MAPK4: variants seen among roughly 807,000 people sequenced by gnomAD.
The protein encoded by MAPK4 is Erk3-related.
In MAPK4, 22 loss-of-function variants were observed where a neutral mutation model predicts 47.7. The ratio of observed to expected loss-of-function variants is 0.46; its 90% confidence interval spans 0.33 to 0.66. MAPK4 has a LOEUF of 0.66. Among genes scored for constraint, MAPK4 ranks in the 30% least tolerant of loss-of-function variants. The pLI is 0.02. For missense variants in MAPK4, 736 were observed against 831.7 expected, an observed-to-expected ratio of 0.88 and a Z score of 1.42; for synonymous variants, 390 against 365.7, an observed-to-expected ratio of 1.07 and a Z score of -0.76.
chr18:50,673,031 C>G (rs1390767150), intron 2 of MAPK4, among the ~76,000 whole-genome samples: 1 of 152,196 alleles, frequency 6.6e-6, no homozygotes, highest in Non-Finnish European at 1.5e-5. Flanking sequence ...AATCCCAACA[C>G]TTTGGGAGGC....
chr18:50,723,079 G>A (rs1396278140), intron 4 of MAPK4, among the ~76,000 whole-genome samples: 2 of 152,208 alleles, frequency 1.3e-5, no homozygotes, highest in Non-Finnish European at 2.9e-5. Context: ...AGATAACCCT[G>A]AAATCTCCGT....
chr18:50,592,238 T>C (rs868572326), intron 1 of MAPK4, among the ~76,000 whole-genome samples: 13 of 152,188 alleles, frequency 8.5e-5, no homozygotes, highest in African/African-American at 2.2e-4. Context: ...TTCAAGGACA[T>C]GCCAAACCTC....
At chr18:50,628,653 A>G (rs999450963) in intron 1 of MAPK4, among the ~76,000 whole-genome samples, 2 of 152,172 alleles carry the variant, frequency 1.3e-5, no homozygotes, top group Admixed American at 6.5e-5. Flanking sequence ...GTGTCAACTC[A>G]ATTTTAAGAG....
At chr18:50,698,349 A>G (rs1909614273) in intron 2 of MAPK4, among the ~76,000 whole-genome samples, 1 of 152,250 alleles carries the variant, frequency 6.6e-6, no homozygotes, top group African/African-American at 2.4e-5. Flanking sequence ...TTTATTAAGT[A>G]AATACATATT....
At chr18:50,676,811 A>G (rs559214702) in intron 2 of MAPK4, among the ~76,000 whole-genome samples, 8 of 152,362 alleles carry the variant, frequency 5.3e-5, no homozygotes, top group African/African-American at 1.4e-4. Flanking sequence ...TTTGTGTAAT[A>G]ATAGTAAGTT....
chr18:50,617,566 C>G (rs2042695194), intron 1 of MAPK4, among the ~76,000 whole-genome samples: 1 of 152,164 alleles, frequency 6.6e-6, no homozygotes, highest in Admixed American at 6.5e-5. Context: ...GGTCATGTTA[C>G]CATCTCAGCT....
chr18:50,672,710 A>G (rs764696395), intron 2 of MAPK4, among the ~76,000 whole-genome samples: 5 of 152,282 alleles, frequency 3.3e-5, no homozygotes, highest in Middle Eastern at 6.8e-3. Context: ...CCAATCAGAA[A>G]GGAAGCCAGC....
chr18:50,561,397 G>A (rs2042151980), intron 1 of MAPK4, among the ~76,000 whole-genome samples: 1 of 152,130 alleles, frequency 6.6e-6, no homozygotes, highest in South Asian at 2.1e-4. Flanking sequence ...GTGAAAAGCA[G>A]GTATACTGCA....
chr18:50,660,532 TGTGAAGCTTACAGTCTA>T (rs2043159156), intron 1 of MAPK4, among the ~76,000 whole-genome samples: 1 of 152,196 alleles, frequency 6.6e-6, no homozygotes, highest in South Asian at 2.1e-4. Context: ...GTAAGCTACT[TGTGAAGCTTACAGTCTA>T]GTTGGGAGAT....
At chr18:50,667,764 A>G (rs1907687221) in intron 2 of MAPK4, among the ~76,000 whole-genome samples, 1 of 152,086 alleles carries the variant, frequency 6.6e-6, no homozygotes, top group African/African-American at 2.4e-5. Context: ...ACAACAACAT[A>G]CCCAGAAGAC....
At chr18:50,713,069 A>C (rs975323367) in intron 2 of MAPK4, among the ~76,000 whole-genome samples, 4 of 152,204 alleles carry the variant, frequency 2.6e-5, no homozygotes, top group Non-Finnish European at 4.4e-5. Flanking sequence ...ATTTATACAG[A>C]AGGTAAAATT....
intron 1 of MAPK4, among the ~76,000 whole-genome samples, chr18:50,589,826 C>A (rs1333365475): frequency 6.6e-6 from 1 of 152,192 alleles, no homozygotes; most frequent in African/African-American, 2.4e-5. Context: ...TACAAGAGTT[C>A]AAATTGTAAT....
At chr18:50,582,364 G>A (rs988699705) in intron 1 of MAPK4, among the ~76,000 whole-genome samples, 1 of 152,184 alleles carries the variant, frequency 6.6e-6, no homozygotes. Flanking sequence ...ACACAGAGTG[G>A]CCTAAGAAAG....
chr18:50,639,901 C>T (rs548053202), intron 1 of MAPK4, among the ~76,000 whole-genome samples: 87 of 152,204 alleles, frequency 5.7e-4, no homozygotes, highest in Non-Finnish European at 1.2e-3. Context: ...ATATACTCTT[C>T]GCTCGTTAAT....
chr18:50,608,303 A>G (rs571728346), intron 1 of MAPK4, among the ~76,000 whole-genome samples: 2 of 152,360 alleles, frequency 1.3e-5, no homozygotes, highest in African/African-American at 4.8e-5. Flanking sequence ...TCTTGGAAGT[A>G]GATAAGATGT....
intron 1 of MAPK4, among the ~76,000 whole-genome samples, chr18:50,618,137 C>T (rs566390188): frequency 6.6e-6 from 1 of 152,082 alleles, no homozygotes; most frequent in Non-Finnish European, 1.5e-5. Context: ...GCCCCCTTCC[C>T]CAGGCTGCCT....
chr18:50,670,174 A>AC (rs1309769263), intron 2 of MAPK4: 1 of 152,034 alleles, frequency 6.6e-6, no homozygotes, highest in Non-Finnish European at 1.5e-5. Flanking sequence ...AAAAAAAAAA[A>AC]AACACTCATT....
At chr18:50,724,865 G>A (rs1348356705) in intron 4 of MAPK4, among the ~76,000 whole-genome samples, 1 of 152,206 alleles carries the variant, frequency 6.6e-6, no homozygotes, top group African/African-American at 2.4e-5. Context: ...TCTCCATGTG[G>A]GCTGTAACAT....
intron 1 of MAPK4, among the ~76,000 whole-genome samples, chr18:50,595,960 T>C (rs955095494): frequency 2.0e-5 from 3 of 152,188 alleles, no homozygotes; most frequent in African/African-American, 7.2e-5. Context: ...CTGCTTCGTT[T>C]GTCTCAGTGG....
Sources: gnomAD v4.1 joint callset for allele counts (sites outside exome capture counted in the v4.1 genomes callset) on GRCh38, gnomAD v4.1.1 for gene constraint, MANE v1.5 for transcripts, NCBI Gene and HGNC (gene_info 2026-07-23, HGNC 2026-07-21) for gene names.